The following ALG6 variants were observed in gnomAD, a reference collection of about 807,000 sequenced individuals.
ALG6 encodes ALG6 alpha-1,3-glucosyltransferase, also known as dolichyl pyrophosphate Man9GlcNAc2 alpha-1,3-glucosyltransferase.
Under a neutral mutation model 66.6 loss-of-function variants are expected in ALG6, and 46 were observed. The ratio of observed to expected loss-of-function variants is 0.69; its 90% CI spans 0.55 to 0.88. The LOEUF (loss-of-function observed/expected upper bound fraction) is 0.88. ALG6 is among the 40% of genes least tolerant of loss of function. The pLI is 0.00. For synonymous variants in ALG6, 185 were observed against 203.7 expected (o/e 0.91, Z 0.78); for missense variants, 505 against 586.8 (o/e 0.86, Z 1.44).
intron 2 of ALG6, among the ~76,000 whole-genome samples, chr1:63,380,930 T>C (rs1039407197): frequency 1.3e-5 from 2 of 152,216 alleles, no homozygotes; most frequent in African/African-American, 4.8e-5. Flanking sequence ...AAAATATTGT[T>C]ATTGCACATT....
chr1:63,412,089 C>A, intron 9 of ALG6, 28 bp downstream of exon 9: 1 of 1,613,802 alleles, frequency 6.2e-7, no homozygotes, highest in Non-Finnish European at 8.5e-7. Flanking sequence ...CCTCTCCTTT[C>A]TGTTACTGTA....
intron 2 of ALG6, among the ~76,000 whole-genome samples, chr1:63,384,046 T>G (rs903239733): frequency 6.6e-6 from 1 of 152,262 alleles, no homozygotes; most frequent in Non-Finnish European, 1.5e-5. Context: ...ATTTTATTTA[T>G]TCATTCGTCT....
intron 8 of ALG6, among the ~76,000 whole-genome samples, 196 bp downstream of exon 8, chr1:63,411,527 T>C (rs945060688): frequency 1.3e-5 from 2 of 152,192 alleles, no homozygotes; most frequent in Non-Finnish European, 2.9e-5. Context: ...TAGAGAAATA[T>C]TTCAATTCAT....
intron 14 of ALG6, among the ~76,000 whole-genome samples, chr1:63,436,182 T>C (rs887570715): frequency 3.3e-5 from 5 of 152,154 alleles, no homozygotes; most frequent in African/African-American, 1.2e-4. Flanking sequence ...ACAGAATAGA[T>C]GTATATATTT....
At chr1:63,430,315 G>T (rs188188760) in intron 14 of ALG6, among the ~76,000 whole-genome samples, 1 of 152,280 alleles carries the variant, frequency 6.6e-6, no homozygotes, top group Admixed American at 6.5e-5. Flanking sequence ...ACATGAAGTT[G>T]TTTCTACTTT....
intron 12 of ALG6, among the ~76,000 whole-genome samples, chr1:63,425,024 C>G (rs1287321440): frequency 6.6e-6 from 1 of 152,244 alleles, no homozygotes; most frequent in East Asian, 1.9e-4. Flanking sequence ...AAGTGATCTG[C>G]CTGCCTTGGC....
In ALG6 at chr1:63,400,339, ATATATATATGTATATATATATG is replaced by A. The variant is rs1557587892; in HGVS notation, c.168-1893_168-1872del. Reference sequence around the variant, plus strand: ...TATATACGTATATATATATATACGTATATATATATGTATATATATATGTATATATATGTATATATATATAAAA... The same window carrying A: ...TATATACGTATATATATATATACGTATATATATATGTATATATATATAAAA... On this transcript the variant is annotated intron_variant, in intron 3 of 14. Transcript: ENST00000263440. 3.1e-4 allele frequency among the ~76,000 whole-genome samples: 12 copies of A among 38,720 alleles called. 1 individual carries two copies. The highest frequency in any genetic ancestry group is 8.9e-4 in the African/African-American group (4 of 4,504). 25.4% of individuals were successfully genotyped at this position (38,720 alleles called of 152,430 possible).
chr1:63,400,223 G>GTA (rs1192053870), intron 3 of ALG6, among the ~76,000 whole-genome samples: 279 of 6,136 alleles, frequency 0.045, 53 homozygotes, highest in South Asian at 0.083. Flanking sequence ...ATATATATAC[G>GTA]TATATATATA....
At chr1:63,389,284 G>C (rs902375350) in intron 2 of ALG6, among the ~76,000 whole-genome samples, 2 of 151,644 alleles carry the variant, frequency 1.3e-5, no homozygotes, top group Non-Finnish European at 2.9e-5. Context: ...TTTTTCTTTA[G>C]TTTCCACTGA....
rs71244580 is a variant in ALG6 at position 63,370,161 on chromosome 1, TA to T, written c.-207-595del. 7.7e-3 allele frequency among the ~76,000 whole-genome samples: 1,081 copies of T among 139,578 alleles called. 4 individuals are homozygous for T. Among genetic ancestry groups the T allele is most frequent in the African/African-American group, 0.016 (597 of 37,830 alleles). 91.6% of individuals were successfully genotyped at this position (139,578 alleles called of 152,430 possible). Reference sequence around the variant, plus strand: ...TAAAACCCCAACCTAAGGAAAACTGTAAAAAAAAAAAAAAAGTAAGTGGTTA... The same window carrying T: ...TAAAACCCCAACCTAAGGAAAACTGTAAAAAAAAAAAAAAGTAAGTGGTTA... On this transcript the variant is annotated intron_variant, in intron 1 of 14. Transcript: ENST00000263440.
chr1:63,427,803 T>TC (rs1263694130), intron 12 of ALG6, among the ~76,000 whole-genome samples: 2 of 146,994 alleles, frequency 1.4e-5, no homozygotes, highest in African/African-American at 5.1e-5. Flanking sequence ...TTTTTTTTTT[T>TC]TTTTTTTGGA....
chr1:63,375,309 A>G lies in ALG6; in HGVS notation c.82+4250A>G, dbSNP rs143315089. On this transcript the variant is annotated intron_variant, in intron 2 of 14. Transcript: ENST00000263440. ...GCCCAGGCTGGAGGGCAATGGTGCA[A>G]TCTCGGCTCACTACAATATCCGTTT... Among the ~76,000 whole-genome samples the G allele has an allele frequency of 9.9e-5, 15 of 151,108 alleles. No individual in the cohort carries two copies. The East Asian group carries it at 2.6e-3, about 26-fold the overall frequency.
chr1:63,370,316 A>G lies in ALG6; in HGVS notation c.-207-455A>G, dbSNP rs549304795. 5.9e-5 allele frequency among the ~76,000 whole-genome samples: 9 copies of G among 152,344 alleles called. No individual in the cohort carries two copies. In the East Asian group the frequency reaches 1.7e-3, roughly 29 times the overall value. On this transcript the variant is annotated intron_variant, in intron 1 of 14. Coordinates refer to ENST00000263440, the MANE Select transcript of ALG6 (RefSeq NM_013339.4). ...TGCAAGTATATTTTGGAAGAAAAGT[A>G]AAAACCAAACTAGATAAATTGTTTA... is the stretch of plus-strand genomic sequence containing the variant.
intron 14 of ALG6, among the ~76,000 whole-genome samples, chr1:63,432,883 C>T (rs1210410632): frequency 6.6e-6 from 1 of 152,230 alleles, no homozygotes; most frequent in Non-Finnish European, 1.5e-5. Flanking sequence ...CCTCCTTCCT[C>T]AGCCTCCTGA....
chr1:63,427,571 AG>A (rs894517023), intron 12 of ALG6, among the ~76,000 whole-genome samples: 4 of 152,260 alleles, frequency 2.6e-5, no homozygotes, highest in African/African-American at 4.8e-5. Context: ...TTAAGAATAC[AG>A]GGTATTATTA....
At chr1:63,411,423 C>A in intron 8 of ALG6, 92 bp downstream of exon 8, 2 of 1,208,980 alleles carry the variant, frequency 1.7e-6, no homozygotes, top group South Asian at 1.4e-5. Flanking sequence ...TTCACTTTGC[C>A]TTTTGGTGAT....
At chr1:63,390,113 G>C (rs1014928681) in intron 2 of ALG6, among the ~76,000 whole-genome samples, 7 of 152,290 alleles carry the variant, frequency 4.6e-5, no homozygotes, top group East Asian at 3.9e-4. Flanking sequence ...AAGGCCCAAG[G>C]GTTCTTCATC....
Position 63,406,352 on chromosome 1 carries a change from G to A in ALG6, c.382G>A (p.Val128Met). ...IADLLIYIPA[V>M]VLYCCCLKEI... Reference sequence around the variant, plus strand: ...TGATCTGCTGATTTACATACCTGCAGTGGTTTTGTACTGTTGTTGCTTAAA... The same window carrying A: ...TGATCTGCTGATTTACATACCTGCAATGGTTTTGTACTGTTGTTGCTTAAA... The change falls in exon 6 of 15, where the codon GTG becomes ATG. Residue 128 changes from valine (V) to methionine (M), a missense_variant. Physicochemically the swap from Val to Met is conservative, Grantham distance 21. Transcript: ENST00000263440. The A allele has an allele frequency of 6.2e-7, 1 of 1,613,378 alleles. No individual in the cohort carries two copies.
chr1:63,434,372 G>T (rs905191995), intron 14 of ALG6, among the ~76,000 whole-genome samples: 1 of 152,180 alleles, frequency 6.6e-6, no homozygotes, highest in Non-Finnish European at 1.5e-5. Context: ...TTACCGAATT[G>T]GAGGAAGCAT....
Sources: gnomAD v4.1 joint callset for allele counts (sites outside exome capture counted in the v4.1 genomes callset) on GRCh38, gnomAD v4.1.1 for gene constraint, MANE v1.5 for transcripts, NCBI Gene and HGNC (gene_info 2026-07-23, HGNC 2026-07-21) for gene names.